The following TUSC3 variants were observed in gnomAD, a reference collection of about 807,000 sequenced individuals.
TUSC3 encodes tumor suppressor candidate 3.
A neutral mutation model predicts 44.8 loss-of-function variants in TUSC3; 45 were observed. The ratio of observed to expected loss-of-function variants is 1.00; its 90% CI spans 0.79 to 1.29. The LOEUF is 1.29. TUSC3 is among the 50% of genes most tolerant of loss of function. The pLI is 0.00. For missense variants in TUSC3, 519 were observed against 437.9 expected (o/e 1.19, Z -1.65); for synonymous variants, 212 against 152.9 (o/e 1.39, Z -2.85).
At chr8:15,564,924 A>G (rs1183637418) in intron 1 of TUSC3, among the ~76,000 whole-genome samples, 7 of 152,112 alleles carry the variant, frequency 4.6e-5, no homozygotes, top group Admixed American at 3.9e-4. Flanking sequence ...ACTGTTCTTT[A>G]CAGAGAGCTG....
chr8:15,645,165 C>T (rs376506501), intron 2 of TUSC3, among the ~76,000 whole-genome samples: 3 of 152,236 alleles, frequency 2.0e-5, no homozygotes, highest in Admixed American at 6.5e-5. Context: ...ATACAGCATT[C>T]TCAAATAGTA....
intron 1 of TUSC3, among the ~76,000 whole-genome samples, chr8:15,616,889 C>T (rs1805008847): frequency 6.6e-6 from 1 of 152,140 alleles, no homozygotes; most frequent in South Asian, 2.1e-4. Flanking sequence ...AAGCATAGAA[C>T]TGCAGTTGGC....
chr8:15,757,508 G>A (rs1208135642), intron 9 of TUSC3, among the ~76,000 whole-genome samples: 2 of 152,066 alleles, frequency 1.3e-5, no homozygotes, highest in African/African-American at 4.8e-5. Flanking sequence ...TATCTAAATG[G>A]TGTGATGATC....
chr8:15,727,188 C>G (rs1055857286), intron 6 of TUSC3, among the ~76,000 whole-genome samples: 1 of 152,090 alleles, frequency 6.6e-6, no homozygotes, highest in East Asian at 1.9e-4. Context: ...AGCTTAAAAT[C>G]GCAGACCTAA....
the TUSC3 span, among the ~76,000 whole-genome samples, chr8:15,825,885 CTTTTT>C: frequency 1.1e-4 from 13 of 120,374 alleles, no homozygotes; most frequent in African/African-American, 2.0e-4. Flanking sequence ...ACAGTTGTTT[CTTTTT>C]TTTTTTTTTT....
At chr8:15,543,610 A>C (rs1366282948) in intron 1 of TUSC3, among the ~76,000 whole-genome samples, 6 of 152,122 alleles carry the variant, frequency 3.9e-5, no homozygotes, top group African/African-American at 1.2e-4. Flanking sequence ...GACTGTATAT[A>C]AAATGCTTAG....
rs182561726 is a variant in TUSC3, at chr8:15,461,333, C to G, written n.92-22053C>G. Among the ~76,000 whole-genome samples the G allele has an allele frequency of 1.2e-3, 181 of 152,104 alleles. 1 individual carries two copies. Among genetic ancestry groups the G allele is most frequent in the African/African-American group, 4.1e-3 (171 of 41,506 alleles). Reference sequence around the variant, plus strand: ...ATGGTTAAGTTCTTGACTTGATTCTCTGCTTGGTCACTGTTGGTGTATAGG... The same window carrying G: ...ATGGTTAAGTTCTTGACTTGATTCTGTGCTTGGTCACTGTTGGTGTATAGG... On this transcript the variant is annotated intron_variant and non_coding_transcript_variant, in intron 1 of 5. Transcript: ENST00000503191.
At chr8:15,539,969 T>C (rs1266300653), upstream of TUSC3, among the ~76,000 whole-genome samples, 2 of 152,078 alleles carry the variant, frequency 1.3e-5, no homozygotes, top group African/African-American at 2.4e-5. Context: ...AGGGGCCAGG[T>C]TGTCATTCCC....
intron 6 of TUSC3, among the ~76,000 whole-genome samples, chr8:15,727,874 A>G (rs142707444): frequency 1.5e-4 from 23 of 152,324 alleles, no homozygotes; most frequent in African/African-American, 5.3e-4. Flanking sequence ...ATCTTGAGGA[A>G]TATCCTCTTA....
chr8:15,503,585 C>T (rs540676156), intron 2 of TUSC3, among the ~76,000 whole-genome samples: 5 of 152,116 alleles, frequency 3.3e-5, no homozygotes, highest in South Asian at 2.1e-4. Flanking sequence ...ACACCTGTAG[C>T]CCCAGCTACT....
chr8:15,731,479 T>G (rs1162980371), intron 7 of TUSC3, among the ~76,000 whole-genome samples: 1 of 152,134 alleles, frequency 6.6e-6, no homozygotes, highest in Admixed American at 6.6e-5. Context: ...AATTGTCCAG[T>G]ACTGTATATA....
intron 1 of TUSC3, among the ~76,000 whole-genome samples, chr8:15,618,458 C>G (rs990785350): frequency 4.6e-5 from 7 of 152,110 alleles, no homozygotes; most frequent in African/African-American, 1.7e-4. Context: ...CTAAGACACA[C>G]ATACATTAGC....
At chr8:15,830,896 C>T in the TUSC3 span, among the ~76,000 whole-genome samples, 1 of 152,258 alleles carries the variant, frequency 6.6e-6, no homozygotes, top group Non-Finnish European at 1.5e-5. Context: ...TGTACCACCT[C>T]AATTTATAAA....
chr8:15,809,250 C>A, the TUSC3 span, among the ~76,000 whole-genome samples: 1 of 152,122 alleles, frequency 6.6e-6, no homozygotes, highest in Non-Finnish European at 1.5e-5. Flanking sequence ...ACTTCTTTTC[C>A]CTGGTCAGGT....
the TUSC3 span, among the ~76,000 whole-genome samples, chr8:15,800,743 A>G: frequency 6.6e-6 from 1 of 152,182 alleles, no homozygotes; most frequent in Non-Finnish European, 1.5e-5. Context: ...TATTTTATGC[A>G]TACTGAGACG....
intron 1 of TUSC3, among the ~76,000 whole-genome samples, chr8:15,431,174 T>C (rs948509147): frequency 3.3e-5 from 5 of 151,792 alleles, no homozygotes; most frequent in African/African-American, 1.2e-4. Flanking sequence ...TGGTCTATTG[T>C]GGTTCCCTAT....
At chr8:15,759,842 T>C (rs1812097235) in intron 10 of TUSC3, among the ~76,000 whole-genome samples, 1 of 152,188 alleles carries the variant, frequency 6.6e-6, no homozygotes, top group African/African-American at 2.4e-5. Flanking sequence ...CATTATCATC[T>C]GCCTCCAAAT....
rs903253597 is a variant in TUSC3 at position 15,580,851 on chromosome 8, C to A, written c.138+40283C>A. Among the ~76,000 whole-genome samples, 2 of 144,226 alleles carry A rather than the reference C, an allele frequency of 1.4e-5. 1 individual carries two copies. Among genetic ancestry groups the A allele is most frequent in the African/African-American group, 5.4e-5 (2 of 37,186 alleles). The allele number at this position is 144,226 out of a possible 152,430, so 94.6% of individuals were successfully genotyped here. ...GTGGCATTCCCTGTATTTCCTTAAT[C>A]TGAACGTTGGCCTGCCTTGCTAGAT... On this transcript the variant is annotated intron_variant, in intron 1 of 10. Coordinates refer to ENST00000503731, the MANE Select transcript of TUSC3 (RefSeq NM_006765.4).
chr8:15,771,632 ATAAAT>A (rs1486632959), downstream of TUSC3, among the ~76,000 whole-genome samples: 1 of 152,184 alleles, frequency 6.6e-6, no homozygotes, highest in African/African-American at 2.4e-5. Flanking sequence ...TATGTGGAAA[ATAAAT>A]AATATAAAAC....
Sources: gnomAD v4.1 joint callset for allele counts (sites outside exome capture counted in the v4.1 genomes callset) on GRCh38, gnomAD v4.1.1 for gene constraint, MANE v1.5 for transcripts, NCBI Gene and HGNC (gene_info 2026-07-23, HGNC 2026-07-21) for gene names.